Variants in IL1RAPL2 observed in about 807,000 individuals in gnomAD.
The protein encoded by IL1RAPL2 is X-linked interleukin-1 receptor accessory protein-like 2.
Under a neutral mutation model 44.1 loss-of-function variants are expected in IL1RAPL2, and 3 were observed. The observed-to-expected ratio is 0.07, with a 90% CI of 0.03 to 0.18. IL1RAPL2 has a LOEUF of 0.18. IL1RAPL2 is among the 10% of genes least tolerant of loss of function. The pLI is 1.00. For missense variants in IL1RAPL2, 391 were observed against 496.4 expected (o/e 0.79, Z 2.02); for synonymous variants, 181 against 178.8 (o/e 1.01, Z -0.10).
chrX:105,002,303 T>C (rs1329248952), intron 2 of IL1RAPL2, among the ~76,000 whole-genome samples: 3 of 111,106 alleles, frequency 2.7e-5, no homozygotes, highest in Admixed American at 1.9e-4. Context: ...AGTTTGAGTG[T>C]AAAATAAAGA....
chrX:105,688,278 A>G (rs2038002048), intron 6 of IL1RAPL2, among the ~76,000 whole-genome samples: 1 of 111,826 alleles, frequency 8.9e-6, no homozygotes, highest in South Asian at 3.7e-4. Flanking sequence ...GAGGAAGTCA[A>G]ATTGTCCCTG....
intron 6 of IL1RAPL2, among the ~76,000 whole-genome samples, chrX:105,662,638 G>T (rs1317671125): frequency 8.9e-6 from 1 of 111,891 alleles, no homozygotes; most frequent in East Asian, 2.8e-4. Flanking sequence ...TCACCTTGGC[G>T]ATTCGATCAT....
chrX:105,517,223 C>T (rs2036521197), intron 6 of IL1RAPL2, among the ~76,000 whole-genome samples: 1 of 111,824 alleles, frequency 8.9e-6, no homozygotes, highest in South Asian at 3.7e-4. Flanking sequence ...TCTCAAGAAA[C>T]TCACTGTCTA....
intron 6 of IL1RAPL2, among the ~76,000 whole-genome samples, chrX:105,673,314 C>T (rs1271208439): frequency 9.0e-6 from 1 of 110,749 alleles, no homozygotes; most frequent in Non-Finnish European, 1.9e-5. Flanking sequence ...TAATACTCTC[C>T]CTACCCCCAT....
At chrX:105,648,026 C>T (rs1427779548) in intron 6 of IL1RAPL2, among the ~76,000 whole-genome samples, 1 of 112,036 alleles carries the variant, frequency 8.9e-6, no homozygotes, top group Non-Finnish European at 1.9e-5. Flanking sequence ...GCAATTATTA[C>T]TTCAGTTCTC....
chrX:105,354,203 G>A (rs180738479), intron 5 of IL1RAPL2, among the ~76,000 whole-genome samples: 168 of 111,101 alleles, frequency 1.5e-3, no homozygotes, highest in Non-Finnish European at 2.3e-3. Flanking sequence ...ACATGCACAC[G>A]TATGTTTATT....
rs781460709 is a variant in IL1RAPL2 at position 105,405,955 on chromosome X, C to T, written c.698-78358C>T. 416 of 1,183,386 alleles carry T rather than the reference C, an allele frequency of 3.5e-4. 3 individuals carry two copies. The South Asian group carries it at 7.0e-3, about 20-fold the overall frequency. ...GTTTTGTTTGTTTGTGAAGGAGAAT[C>T]ATTTATTGATCCTCAGACAGATTCT... is the stretch of plus-strand genomic sequence containing the variant. On this transcript the variant is annotated intron_variant, in intron 5 of 10. Transcript: ENST00000372582.
rs1006370561 is a variant in IL1RAPL2, at chrX:104,728,271, G to T, written c.82+69276G>T. ...AATAATTTACTACTCATAGACACTT[G>T]GTGAAAGAACTACTAAAAATATATG... On this transcript the variant is annotated intron_variant, in intron 2 of 10. Transcript: ENST00000372582. 2.2e-4 allele frequency among the ~76,000 whole-genome samples: 24 copies of T among 111,190 alleles called. No homozygotes were observed. The East Asian group carries it at 2.3e-3, about 11-fold the overall frequency.
In IL1RAPL2 at chrX:104,785,598, T is replaced by C. The variant is rs771944283; in HGVS notation, c.82+126603T>C. Among the ~76,000 whole-genome samples the C allele has an allele frequency of 6.3e-4, 70 of 111,458 alleles. 1 individual carries two copies. Among genetic ancestry groups the C allele is most frequent in the Non-Finnish European group, 8.5e-4 (45 of 53,102 alleles). On this transcript the variant is annotated intron_variant, in intron 2 of 10. Coordinates refer to ENST00000372582, the MANE Select transcript of IL1RAPL2 (RefSeq NM_017416.2). ...TCTGACCTTGCATCTGCCTTCAGTT[T>C]TGCAGTCCTAACTCCTTTTTTCCCC...
At chrX:104,741,468 A>T (rs2147578221) in intron 2 of IL1RAPL2, among the ~76,000 whole-genome samples, 1 of 110,770 alleles carries the variant, frequency 9.0e-6, no homozygotes, top group Admixed American at 9.6e-5. Context: ...GGTATCGTAA[A>T]TTTTTTTAAA....
intron 5 of IL1RAPL2, among the ~76,000 whole-genome samples, chrX:105,364,742 G>A (rs1044817132): frequency 3.6e-5 from 4 of 111,063 alleles, no homozygotes; most frequent in African/African-American, 1.3e-4. Context: ...TATTTTGTAT[G>A]TTGATTTGGT....
chrX:105,616,788 C>T (rs1006606995), intron 6 of IL1RAPL2, among the ~76,000 whole-genome samples: 7 of 110,505 alleles, frequency 6.3e-5, no homozygotes, highest in Non-Finnish European at 1.1e-4. Flanking sequence ...TCGATAAAGT[C>T]CAGTTTATCA....
chrX:104,895,203 G>A (rs5962994), intron 2 of IL1RAPL2, among the ~76,000 whole-genome samples: 26 of 112,397 alleles, frequency 2.3e-4, no homozygotes, highest in African/African-American at 8.1e-4. Flanking sequence ...CTACTGGGGG[G>A]TGCCTCCCAG....
At chrX:104,997,395 T>C (rs1333254665) in intron 2 of IL1RAPL2, among the ~76,000 whole-genome samples, 1 of 111,867 alleles carries the variant, frequency 8.9e-6, no homozygotes, top group Non-Finnish European at 1.9e-5. Context: ...TTAGAAAGTT[T>C]AAAGTTACAT....
intron 2 of IL1RAPL2, among the ~76,000 whole-genome samples, chrX:104,937,320 G>A (rs1189064343): frequency 8.9e-6 from 1 of 112,276 alleles, no homozygotes; most frequent in Non-Finnish European, 1.9e-5. Flanking sequence ...CATTACAGGT[G>A]TCAGCAAGTA....
At chrX:104,695,220 T>G (rs1430418161) in intron 2 of IL1RAPL2, among the ~76,000 whole-genome samples, 1 of 112,249 alleles carries the variant, frequency 8.9e-6, no homozygotes, top group Non-Finnish European at 1.9e-5. Context: ...CATGAGTCTT[T>G]CTGGACTTCT....
At chrX:104,736,307 C>T (rs926491200) in intron 2 of IL1RAPL2, among the ~76,000 whole-genome samples, 1 of 112,067 alleles carries the variant, frequency 8.9e-6, no homozygotes, top group African/African-American at 3.2e-5. Context: ...AGGCTATTGG[C>T]AAGGCAGTGC....
intron 1 of IL1RAPL2, among the ~76,000 whole-genome samples, chrX:104,656,002 TG>T (rs1229157352): frequency 8.9e-6 from 1 of 111,810 alleles, no homozygotes; most frequent in Non-Finnish European, 1.9e-5. Flanking sequence ...TGTATTTCTG[TG>T]GGATCGGTGG....
At chrX:104,996,570 C>G (rs1462931403) in intron 2 of IL1RAPL2, among the ~76,000 whole-genome samples, 1 of 112,012 alleles carries the variant, frequency 8.9e-6, no homozygotes, top group African/African-American at 3.2e-5. Context: ...CATGCCGAAG[C>G]CCATTGGCTC....
Sources: gnomAD v4.1 joint callset for allele counts (sites outside exome capture counted in the v4.1 genomes callset) on GRCh38, gnomAD v4.1.1 for gene constraint, MANE v1.5 for transcripts, NCBI Gene and HGNC (gene_info 2026-07-23, HGNC 2026-07-21) for gene names.